NCOA1: variants seen among roughly 807,000 people sequenced by gnomAD.
NCOA1 encodes the protein Hin-2 protein.
A neutral mutation model predicts 150.9 loss-of-function variants in NCOA1; 35 were observed. The observed-to-expected ratio is 0.23, with a 90% CI of 0.18 to 0.31. The LOEUF (loss-of-function observed/expected upper bound fraction) is 0.31. Ranked by LOEUF, NCOA1 falls within the 10% of genes least tolerant of loss-of-function variation. The pLI is 1.00. For synonymous variants in NCOA1, 590 were observed against 630.0 expected (o/e 0.94, Z 0.95); for missense variants, 1,491 against 1,749.3 (o/e 0.85, Z 2.63).
chr2:24,495,801 C>A (rs1171057701), intron 1 of NCOA1, among the ~76,000 whole-genome samples: 1 of 152,162 alleles, frequency 6.6e-6, no homozygotes, highest in Non-Finnish European at 1.5e-5. Flanking sequence ...AGCTGTTTAA[C>A]CACACTAAAC....
intron 1 of NCOA1, among the ~76,000 whole-genome samples, chr2:24,550,087 C>T (rs190843649): frequency 6.6e-6 from 1 of 152,298 alleles, no homozygotes; most frequent in Admixed American, 6.5e-5. Flanking sequence ...CCACCTCAGC[C>T]TGGATTTCAT....
intron 3 of NCOA1, among the ~76,000 whole-genome samples, chr2:24,602,285 C>T (rs965593825): frequency 6.6e-6 from 1 of 152,144 alleles, no homozygotes; most frequent in Non-Finnish European, 1.5e-5. Context: ...ACTGCAGCCT[C>T]GACCTCCCAG....
chr2:24,553,088 C>T (rs921587411), intron 1 of NCOA1, among the ~76,000 whole-genome samples: 4 of 152,174 alleles, frequency 2.6e-5, no homozygotes, highest in Admixed American at 6.5e-5. Context: ...TAGGAGACAA[C>T]GTTTAATCTT....
At chr2:24,692,855 A>G (rs1306902470) in intron 9 of NCOA1, among the ~76,000 whole-genome samples, 1 of 152,158 alleles carries the variant, frequency 6.6e-6, no homozygotes, top group Non-Finnish European at 1.5e-5. Flanking sequence ...AGGTGCTGTA[A>G]CACGTTTTTG....
At chr2:24,712,170 T>C (rs1238134330) in intron 14 of NCOA1, among the ~76,000 whole-genome samples, 3 of 152,232 alleles carry the variant, frequency 2.0e-5, no homozygotes, top group Non-Finnish European at 2.9e-5. Context: ...CTCAAGGAAG[T>C]ACATTTTTTG....
intron 1 of NCOA1, among the ~76,000 whole-genome samples, chr2:24,528,344 C>CTTTTTTT (rs375096042): frequency 1.6e-5 from 2 of 125,876 alleles, no homozygotes; most frequent in African/African-American, 3.0e-5. Flanking sequence ...CAATTTCATT[C>CTTTTTTT]TTTTTTTTTT....
chr2:24,496,792 T>A (rs1663234697), intron 1 of NCOA1, among the ~76,000 whole-genome samples: 1 of 152,204 alleles, frequency 6.6e-6, no homozygotes, highest in Admixed American at 6.5e-5. Flanking sequence ...AGTTACTTTT[T>A]GTATTTAAAG....
chr2:24,754,845 C>T (rs1337574564), intron 20 of NCOA1, among the ~76,000 whole-genome samples: 1 of 152,210 alleles, frequency 6.6e-6, no homozygotes, highest in Admixed American at 6.5e-5. Flanking sequence ...AGTACAAATA[C>T]TCCCTAAGTC....
At position 24,729,685 on chromosome 2, in the gene NCOA1, A is replaced by C. The variant is rs1484915732; in HGVS notation, c.3071A>C (p.Gln1024Pro). 6.2e-7 allele frequency: 1 copy of C among 1,614,062 alleles called. No individual in the cohort carries two copies. Among genetic ancestry groups the C allele is most frequent in the South Asian group, 1.1e-5 (1 of 91,086 alleles). Residue 1024 changes from glutamine (Q) to proline (P), a missense_variant, in exon 17 of 23, where the codon CAA (glutamine) becomes CCA (proline). Coordinates refer to ENST00000348332, the MANE Select transcript of NCOA1 (RefSeq NM_003743.5). ...QKPSLGTMPV[Q>P]VTPPRGAFSP... ...CCTTCACTGGGGACGATGCCTGTTC[A>C]AGTAACACCTCCCCGAGGTGCTTTT...
intron 2 of NCOA1, among the ~76,000 whole-genome samples, chr2:24,566,924 AAG>A (rs1313324538): frequency 6.6e-6 from 1 of 152,200 alleles, no homozygotes; most frequent in African/African-American, 2.4e-5. Flanking sequence ...CTGGGTCCCT[AAG>A]AGTGCAGAGA....
chr2:24,555,827 G>A (rs1666046078), intron 1 of NCOA1, among the ~76,000 whole-genome samples: 1 of 151,926 alleles, frequency 6.6e-6, no homozygotes, highest in African/African-American at 2.4e-5. Flanking sequence ...ATTTAAAGTG[G>A]GTACCTTGTA....
At chr2:24,598,735 G>A (rs1178843934) in intron 3 of NCOA1, among the ~76,000 whole-genome samples, 1 of 152,004 alleles carries the variant, frequency 6.6e-6, no homozygotes, top group Non-Finnish European at 1.5e-5. Context: ...GAGATTAAAT[G>A]AAAACATTTC....
rs1662954378 is a variant in NCOA1, at chr2:24,491,508, G to GGGCGCCC, written c.-487_-486insGCCCGGC. ...GAGGGGGCCGGAGAGCCGCGGCGCCGGGCCCGAGGAGCGGCGGAGGCCGGG... is the reference window on the plus strand; with the variant it reads ...GAGGGGGCCGGAGAGCCGCGGCGCCGGGCGCCCGGCCCGAGGAGCGGCGGAGGCCGGG... On this transcript the variant is annotated 5_prime_UTR_variant, in exon 1 of 23. Coordinates refer to ENST00000348332, the MANE Select transcript of NCOA1 (RefSeq NM_003743.5). 1.4e-5 allele frequency among the ~76,000 whole-genome samples: 2 copies of GGGCGCCC among 146,970 alleles called. No homozygotes were observed. Among genetic ancestry groups the GGGCGCCC allele is most frequent in the Non-Finnish European group, 3.0e-5 (2 of 66,094 alleles).
intron 1 of NCOA1, among the ~76,000 whole-genome samples, chr2:24,525,440 C>T (rs916535915): frequency 2.0e-5 from 3 of 152,116 alleles, no homozygotes; most frequent in Non-Finnish European, 4.4e-5. Context: ...AAAGCAGAAT[C>T]GGAGATTTGT....
chr2:24,515,221 T>C (rs1403321736), intron 1 of NCOA1, among the ~76,000 whole-genome samples: 1 of 152,064 alleles, frequency 6.6e-6, no homozygotes, highest in Non-Finnish European at 1.5e-5. Context: ...TTGGCACCCT[T>C]TTATTTATTT....
At chr2:24,692,778 TGCC>T (rs1301023766) in intron 9 of NCOA1, among the ~76,000 whole-genome samples, 1 of 152,254 alleles carries the variant, frequency 6.6e-6, no homozygotes, top group Non-Finnish European at 1.5e-5. Context: ...AGTTTTTGGT[TGCC>T]AGCAATTTTA....
chr2:24,605,170 T>G (rs1372040349), intron 3 of NCOA1, among the ~76,000 whole-genome samples: 5 of 152,096 alleles, frequency 3.3e-5, no homozygotes, highest in Admixed American at 2.6e-4. Context: ...ATAATAATAA[T>G]GAAAAAGTTT....
At chr2:24,550,821 C>CGT (rs1665796328) in intron 1 of NCOA1, among the ~76,000 whole-genome samples, 1 of 152,166 alleles carries the variant, frequency 6.6e-6, no homozygotes, top group Non-Finnish European at 1.5e-5. Flanking sequence ...TAAAAATGCT[C>CGT]TGATAGGCTG....
chr2:24,713,809 G>A (rs904157380), intron 14 of NCOA1, among the ~76,000 whole-genome samples: 4 of 152,136 alleles, frequency 2.6e-5, no homozygotes, highest in East Asian at 3.8e-4. Flanking sequence ...ACTAAACTCC[G>A]AAAATAGTGA....
Sources: allele counts gnomAD v4.1 joint callset (sites outside exome capture counted in the v4.1 genomes callset), GRCh38; gene constraint gnomAD v4.1.1; transcripts MANE v1.5; gene names NCBI Gene and HGNC (gene_info 2026-07-23, HGNC 2026-07-21).